The following ADD2 variants were observed in gnomAD, a reference collection of about 807,000 sequenced individuals.
ADD2 encodes the protein beta-adducin.
A neutral mutation model predicts 83.0 loss-of-function variants in ADD2; 23 were observed. The observed-to-expected ratio is 0.28, with a 90% confidence interval of 0.20 to 0.39. The LOEUF is 0.39. Among genes scored for constraint, ADD2 ranks in the 10% least tolerant of loss-of-function variants. The pLI, the probability that ADD2 is intolerant of heterozygous loss-of-function variation, is 1.00. For missense variants in ADD2, 758 were observed against 944.9 expected (o/e 0.80, Z 2.59); for synonymous variants, 375 against 375.4 (o/e 1.00, Z 0.01).
chr2:70,703,542 G>A (rs1448448449), intron 4 of ADD2, among the ~76,000 whole-genome samples: 1 of 152,142 alleles, frequency 6.6e-6, no homozygotes, highest in Non-Finnish European at 1.5e-5. Flanking sequence ...AATTCTACTA[G>A]TAATTTATCT....
chr2:70,701,465 G>C (rs1471361767), intron 4 of ADD2, among the ~76,000 whole-genome samples: 3 of 152,088 alleles, frequency 2.0e-5, no homozygotes, highest in Non-Finnish European at 4.4e-5. Flanking sequence ...ATAAGACAAG[G>C]ATAATTAATC....
At chr2:70,762,988 G>A (rs1675199098) in intron 1 of ADD2, among the ~76,000 whole-genome samples, 1 of 151,814 alleles carries the variant, frequency 6.6e-6, no homozygotes, top group African/African-American at 2.4e-5. Context: ...TTACAGGCGT[G>A]AGCCACCACA....
In ADD2 at chr2:70,728,228, G is replaced by A. The variant is rs886213506; in HGVS notation, c.-153-15044C>T. ...CAGTGCTCTCTGTCTGGACCTCATA[G>A]GCCACGGCCTATATGTGCTCTCTTT... On this transcript the variant is annotated intron_variant, in intron 1 of 15. Coordinates refer to ENST00000264436, the MANE Select transcript of ADD2 (RefSeq NM_001617.4). Among the ~76,000 whole-genome samples the A allele has an allele frequency of 3.3e-5, 5 of 152,300 alleles. No individual in the cohort carries two copies. The South Asian group carries it at 6.2e-4, about 19-fold the overall frequency.
At chr2:70,691,448 C>A (rs188544006) in intron 7 of ADD2, among the ~76,000 whole-genome samples, 45 of 152,238 alleles carry the variant, frequency 3.0e-4, no homozygotes, top group African/African-American at 1.1e-3. Flanking sequence ...ATTTGCTGCC[C>A]AGTATAAAGG....
rs72899657 is a variant in ADD2 at position 70,684,232 on chromosome 2, T to A, written c.949-465A>T. ...ATGTTAGTCTCTGCACTTTTCTGTATGTTTGAAATATCTCCTATTTTTTTT... is the reference window on the plus strand; with the variant it reads ...ATGTTAGTCTCTGCACTTTTCTGTAAGTTTGAAATATCTCCTATTTTTTTT... On this transcript the variant is annotated intron_variant, in intron 9 of 15. Transcript: ENST00000264436. Among the ~76,000 whole-genome samples the A allele has an allele frequency of 7.2e-3, 1,097 of 152,130 alleles. 14 individuals carry two copies. The highest frequency in any genetic ancestry group is 0.025 in the African/African-American group (1,039 of 41,426).
intron 2 of ADD2, among the ~76,000 whole-genome samples, chr2:70,710,059 C>T (rs1574273331): frequency 6.6e-6 from 1 of 152,196 alleles, no homozygotes; most frequent in Admixed American, 6.5e-5. Context: ...TTTAGTGACT[C>T]ATCATAGTAA....
chr2:70,738,940 G>T (rs782297192), intron 1 of ADD2, among the ~76,000 whole-genome samples: 3 of 152,032 alleles, frequency 2.0e-5, no homozygotes, highest in African/African-American at 7.2e-5. Context: ...AAAAACCCTC[G>T]AAGACAACCT....
intron 1 of ADD2, among the ~76,000 whole-genome samples, chr2:70,748,945 T>C (rs1447746147): frequency 2.0e-5 from 3 of 152,206 alleles, no homozygotes; most frequent in African/African-American, 4.8e-5. Context: ...TGAGCTGTAC[T>C]GAACTAACTC....
intron 1 of ADD2, among the ~76,000 whole-genome samples, chr2:70,728,016 C>G (rs1553378628): frequency 6.6e-6 from 1 of 152,042 alleles, no homozygotes; most frequent in Non-Finnish European, 1.5e-5. Context: ...TTGTAGGGGC[C>G]TTTTGTTGAG....
intron 15 of ADD2, among the ~76,000 whole-genome samples, chr2:70,669,158 A>G (rs1290202555): frequency 3.9e-5 from 6 of 152,226 alleles, no homozygotes; most frequent in Admixed American, 3.9e-4. Context: ...CAACAAGCTG[A>G]GCTGCCCATG....
At chr2:70,673,945 G>A (rs1670015340) in intron 14 of ADD2, among the ~76,000 whole-genome samples, 1 of 152,186 alleles carries the variant, frequency 6.6e-6, no homozygotes, top group Non-Finnish European at 1.5e-5. Context: ...CTTGGGGTGA[G>A]GAATGGAGAT....
At chr2:70,754,926 T>C (rs927006440) in intron 1 of ADD2, among the ~76,000 whole-genome samples, 1 of 152,124 alleles carries the variant, frequency 6.6e-6, no homozygotes, top group African/African-American at 2.4e-5. Context: ...TTCCCATCTC[T>C]TCTCATGTAG....
intron 1 of ADD2, chr2:70,767,625 G>A (rs1365480206): frequency 7.0e-6 from 9 of 1,291,352 alleles, no homozygotes; most frequent in Non-Finnish European, 8.8e-6. Flanking sequence ...TACGCTCCGG[G>A]CGAGGGTCCC....
chr2:70,676,783 G>A lies in ADD2; in HGVS notation c.1593+13C>T. ...CACGTTTCCCCGCCAGTCAGGGGCA[G>A]CCTCTGCTCTACCGGGCTTCGGCTC... On this transcript the variant is annotated intron_variant, in intron 13 of 15. Coordinates refer to ENST00000264436, the MANE Select transcript of ADD2 (RefSeq NM_001617.4). The surrounding 1 kb of genome is among the most constrained non-coding windows in gnomAD (Gnocchi z 4.8). The A allele has an allele frequency of 1.1e-5, 18 of 1,614,204 alleles. No homozygotes were observed. The highest frequency in any genetic ancestry group is 1.4e-5 in the Non-Finnish European group (17 of 1,180,010).
At position 70,674,846 on chromosome 2, in the gene ADD2, G is replaced by T. The variant is rs1574223868; in HGVS notation, c.1594-21C>A. The T allele has an allele frequency of 3.1e-6, 5 of 1,608,386 alleles. No individual in the cohort carries two copies. In the South Asian group the frequency reaches 3.3e-5, roughly 11 times the overall value. On this transcript the variant is annotated intron_variant, in intron 13 of 15. Transcript: ENST00000264436. ...GTAGACTGAAAGTTAACCACAGAGG[G>T]TGTGTCGCTCTCTGAACGCCGCAGT...
At chr2:70,709,482 G>A (rs1463278659) in intron 2 of ADD2, among the ~76,000 whole-genome samples, 8 of 152,208 alleles carry the variant, frequency 5.3e-5, no homozygotes, top group Non-Finnish European at 1.0e-4. Flanking sequence ...GGTGGACTGA[G>A]CTCTAGACTA....
chr2:70,677,714 C>T (rs782390307), intron 12 of ADD2, 44 bp downstream of exon 12: 1 of 1,602,432 alleles, frequency 6.2e-7, no homozygotes, highest in African/African-American at 1.3e-5. Context: ...CTGAGACCCC[C>T]CAGTGTGGGA....
chr2:70,675,845 G>T, intron 13 of ADD2: 2 of 985,390 alleles, frequency 2.0e-6, no homozygotes, highest in Non-Finnish European at 2.4e-6. Flanking sequence ...TGGCAGGGGA[G>T]ATTTTTGTTT....
intron 1 of ADD2, among the ~76,000 whole-genome samples, chr2:70,732,202 T>C (rs180748429): frequency 6.6e-6 from 1 of 152,172 alleles, no homozygotes; most frequent in African/African-American, 2.4e-5. Context: ...TACGAAAATA[T>C]ATAGTATGAA....
Sources: allele counts gnomAD v4.1 joint callset (sites outside exome capture counted in the v4.1 genomes callset), GRCh38; gene constraint gnomAD v4.1.1; non-coding constraint Gnocchi (gnomAD v3.1); transcripts MANE v1.5; gene names NCBI Gene and HGNC (gene_info 2026-07-23, HGNC 2026-07-21).